Variants in PGD observed in about 807,000 individuals in gnomAD.
PGD encodes phosphogluconate dehydrogenase.
A neutral mutation model predicts 60.4 loss-of-function variants in PGD; 21 were observed. That is an observed-to-expected ratio of 0.35 (90% CI 0.25 to 0.50). The LOEUF is 0.50. Among genes scored for constraint, PGD ranks in the 20% least tolerant of loss-of-function variants. PGD has a pLI of 0.98. For synonymous variants in PGD, 230 were observed against 235.9 expected, an observed-to-expected ratio of 0.97 and a Z score of 0.23; for missense variants, 477 against 613.1, an observed-to-expected ratio of 0.78 and a Z score of 2.34.
rs543426528 is a variant in PGD at position 10,409,649 on chromosome 1, C to CTT, written c.519+1534_519+1535dup. ...CTGCAATAAAAGTGAGTGGTAGCAA[C>CTT]TTTTTTTTTTTTTTTTTTTTTTTTT... is the stretch of plus-strand genomic sequence containing the variant. On this transcript the variant is annotated intron_variant, in intron 6 of 12. Transcript: ENST00000270776. 9.3e-3 allele frequency among the ~76,000 whole-genome samples: 702 copies of CTT among 75,362 alleles called. 91 individuals carry two copies. Among genetic ancestry groups the CTT allele is most frequent in the African/African-American group, 0.039 (637 of 16,382 alleles). 49.4% of individuals were successfully genotyped at this position (75,362 alleles called of 152,430 possible).
At chr1:10,417,537 C>A in intron 10 of PGD, 28 bp downstream of exon 10, 1 of 1,590,418 alleles carries the variant, frequency 6.3e-7, no homozygotes. Context: ...CAGGGTCCGA[C>A]GGGAAGGACT....
rs894998614 is a variant in PGD at position 10,418,631 on chromosome 1, C to T, written c.1110-195C>T. Among the ~76,000 whole-genome samples, 64 of 151,922 alleles carry T rather than the reference C, an allele frequency of 4.2e-4. 1 individual carries two copies. Among genetic ancestry groups the T allele is most frequent in the Non-Finnish European group, 6.6e-4 (45 of 67,992 alleles). ...CTCTACTAAAAATACAAAAATTAGC[C>T]GGTTGTAGTGGTGCGTGCCTGTAAT... On this transcript the variant is annotated intron_variant, in intron 10 of 12. Coordinates refer to ENST00000270776, the MANE Select transcript of PGD (RefSeq NM_002631.4).
chr1:10,410,658 T>C (rs1639485066), intron 6 of PGD, among the ~76,000 whole-genome samples: 1 of 152,096 alleles, frequency 6.6e-6, no homozygotes, highest in Admixed American at 6.6e-5. Context: ...GTTCCAGTTC[T>C]TGACAACTAA....
intron 6 of PGD, 80 bp from the exon 7 acceptor site, chr1:10,411,337 GT>G: frequency 6.6e-7 from 1 of 1,516,376 alleles, no homozygotes; most frequent in Non-Finnish European, 9.1e-7. Context: ...TGCCAGGGAT[GT>G]TGGCATGAAA....
rs998325257 is a variant in PGD at position 10,417,520 on chromosome 1, G to A, written c.1109+11G>A. 1.9e-6 allele frequency: 3 copies of A among 1,603,880 alleles called. No individual in the cohort carries two copies. Among genetic ancestry groups the A allele is most frequent in the Admixed American group, 1.7e-5 (1 of 58,370 alleles). On this transcript the variant is annotated intron_variant, in intron 10 of 12. Coordinates refer to ENST00000270776, the MANE Select transcript of PGD (RefSeq NM_002631.4). Reference sequence around the variant, plus strand: ...CTGCATCATTAGAAGGTAAGTGAGAGGCAGCCCAGGGTCCGACGGGAAGGA... The same window carrying A: ...CTGCATCATTAGAAGGTAAGTGAGAAGCAGCCCAGGGTCCGACGGGAAGGA...
intron 1 of PGD, 121 bp from the exon 2 acceptor site, chr1:10,399,508 G>A: frequency 1.1e-6 from 1 of 903,594 alleles, no homozygotes; most frequent in South Asian, 1.5e-5. Flanking sequence ...GGGGGCCCGC[G>A]GGAGGCGCGG....
chr1:10,413,676 C>T (rs541044393), intron 8 of PGD, among the ~76,000 whole-genome samples: 34 of 152,194 alleles, frequency 2.2e-4, no homozygotes, highest in Admixed American at 1.1e-3. Context: ...GAGGCCGAGG[C>T]GGGTGGATCA....
intron 9 of PGD, 64 bp downstream of exon 9, chr1:10,417,181 G>T: frequency 6.3e-7 from 1 of 1,588,046 alleles, no homozygotes. Context: ...GGTGGGGGTT[G>T]TGGTGGGAGA....
At chr1:10,405,666 T>C (rs1455498316) in intron 5 of PGD, among the ~76,000 whole-genome samples, 1 of 150,860 alleles carries the variant, frequency 6.6e-6, no homozygotes, top group Non-Finnish European at 1.5e-5. Flanking sequence ...ATGGTGAAAC[T>C]CTCTACTAAT....
intron 6 of PGD, among the ~76,000 whole-genome samples, chr1:10,410,880 G>A (rs1639488084): frequency 6.6e-6 from 1 of 151,158 alleles, no homozygotes; most frequent in African/African-American, 2.4e-5. Flanking sequence ...ATAATGATGG[G>A]GCCTTGGAGG....
chr1:10,406,376 C>T (rs77420507), intron 5 of PGD, among the ~76,000 whole-genome samples: 1 of 151,774 alleles, frequency 6.6e-6, no homozygotes, highest in East Asian at 1.9e-4. Flanking sequence ...ATAGCAAGAC[C>T]CTGTTTCTTA....
intron 6 of PGD, among the ~76,000 whole-genome samples, chr1:10,410,441 CAAAA>C (rs1009430529): frequency 7.3e-6 from 1 of 136,786 alleles, no homozygotes; most frequent in African/African-American, 2.7e-5. Context: ...GACTCCGTTT[CAAAA>C]AAAAAAAAGA....
Position 10,399,078 on chromosome 1 carries a change from C to G in PGD, c.-40C>G, listed in dbSNP as rs756699070. 9 of 1,608,778 alleles carry G rather than the reference C, an allele frequency of 5.6e-6. No homozygotes were observed. The highest frequency in any genetic ancestry group is 6.8e-6 in the Non-Finnish European group (8 of 1,179,508). The stretch of plus-strand genomic sequence containing the variant: ...TGCGGGTCTTTCCCTCACTCGTCCT[C>G]CGCGCGTCGCCGCTCTTCGGTTCTG... On this transcript the variant is annotated 5_prime_UTR_variant, in exon 1 of 13. Transcript: ENST00000270776.
rs1639585214 is a variant in PGD at position 10,415,802 on chromosome 1, C to T, written c.845-1185C>T. ...GTCATTTATTCTAACTATAAGTTGT[C>T]AGTTGAGCAAGTCTTTTATAAGGAA... On this transcript the variant is annotated intron_variant, in intron 8 of 12. Transcript: ENST00000270776. Among the ~76,000 whole-genome samples, 3 of 152,284 alleles carry T rather than the reference C, an allele frequency of 2.0e-5. No homozygotes were observed. In the South Asian group the frequency reaches 6.2e-4, roughly 32 times the overall value.
chr1:10,405,725 A>G (rs1004276593), intron 5 of PGD, among the ~76,000 whole-genome samples: 3 of 151,830 alleles, frequency 2.0e-5, no homozygotes, highest in African/African-American at 7.2e-5. Flanking sequence ...AATCCCAGCT[A>G]CATGGGAGGC....
chr1:10,402,971 C>T, intron 3 of PGD, 100 bp from the exon 4 acceptor site: 1 of 869,540 alleles, frequency 1.2e-6, no homozygotes. Flanking sequence ...GAACGAGACT[C>T]TTTTTAGACT....
chr1:10,409,382 G>A (rs530760100), intron 6 of PGD, among the ~76,000 whole-genome samples: 79 of 152,218 alleles, frequency 5.2e-4, no homozygotes, highest in South Asian at 1.9e-3. Context: ...TGGGACTGAC[G>A]TAAAGAGCTG....
In PGD at chr1:10,399,216, C is replaced by G. The variant is rs1334985430; in HGVS notation, c.8+91C>G. 53 of 1,463,092 alleles carry G rather than the reference C, an allele frequency of 3.6e-5. 1 individual carries two copies. Among genetic ancestry groups the G allele is most frequent in the Non-Finnish European group, 4.3e-5 (46 of 1,064,458 alleles). The allele number at this position is 1,463,092 out of a possible 1,614,324, so 90.6% of individuals were successfully genotyped here. Reference sequence around the variant, plus strand: ...ATCTCCCTCGTTCTCTCCGACGCCTCCCACCCTGGGGGTCGCCTGAGCTCA... The same window carrying G: ...ATCTCCCTCGTTCTCTCCGACGCCTGCCACCCTGGGGGTCGCCTGAGCTCA... On this transcript the variant is annotated intron_variant, in intron 1 of 12. Transcript: ENST00000270776.
At chr1:10,403,188 AAAG>A in intron 4 of PGD, 52 bp downstream of exon 4, 1 of 1,305,544 alleles carries the variant, frequency 7.7e-7, no homozygotes, top group Middle Eastern at 1.8e-4. Flanking sequence ...ATTCTAGAAA[AAAG>A]TGTCAGCATC....
Sources: allele counts gnomAD v4.1 joint callset (sites outside exome capture counted in the v4.1 genomes callset), GRCh38; gene constraint gnomAD v4.1.1; transcripts MANE v1.5; gene names NCBI Gene and HGNC (gene_info 2026-07-23, HGNC 2026-07-21).